Variants in ERBB4 observed in about 807,000 individuals in gnomAD.
The protein encoded by ERBB4 is receptor tyrosine-protein kinase erbB-4.
ERBB4 carries 42 observed loss-of-function variants against 158.0 expected under a neutral mutation model. That is an observed-to-expected ratio of 0.27 (90% confidence interval 0.21 to 0.34). The LOEUF (loss-of-function observed/expected upper bound fraction) is 0.34, where lower values mean the gene tolerates loss of function less well. ERBB4 is among the 10% of genes least tolerant of loss of function. ERBB4 has a pLI of 1.00. For missense variants in ERBB4, 1,333 were observed against 1,624.1 expected (o/e 0.82, Z 3.08); for synonymous variants, 583 against 558.7 (o/e 1.04, Z -0.61).
chr2:211,725,108 C>T lies in ERBB4; in HGVS notation c.709G>A (p.Gly237Ser). ...SDCCHRECAGGCSGPKDTDCF... is the reference protein window; with the variant it reads ...SDCCHRECAGSCSGPKDTDCF... Reference sequence around the variant, plus strand: ...TCTGTGTCCTTAGGTCCTGAGCAGCCTCCAGCACATTCTCGATGGCAGCAG... The same window carrying T: ...TCTGTGTCCTTAGGTCCTGAGCAGCTTCCAGCACATTCTCGATGGCAGCAG... Residue 237 changes from glycine to serine, a missense_variant, in exon 6 of 28, where the codon GGC becomes AGC. Gly to Ser is a moderately conservative substitution (Grantham distance 56, BLOSUM62 0). Transcript: ENST00000342788. 1 of 1,613,924 alleles carries T rather than the reference C, an allele frequency of 6.2e-7. No individual in the cohort carries two copies. Among genetic ancestry groups the T allele is most frequent in the South Asian group, 1.1e-5 (1 of 91,072 alleles).
At chr2:212,199,563 G>A (rs900614631) in intron 1 of ERBB4, among the ~76,000 whole-genome samples, 1 of 152,250 alleles carries the variant, frequency 6.6e-6, no homozygotes, top group Non-Finnish European at 1.5e-5. Flanking sequence ...TCTTTCTTAA[G>A]CTAATTGTCA....
chr2:212,455,949 A>C (rs1388760365), intron 1 of ERBB4, among the ~76,000 whole-genome samples: 3 of 152,082 alleles, frequency 2.0e-5, no homozygotes, highest in African/African-American at 7.2e-5. Context: ...CCCTGACCTC[A>C]ACACCTTTAA....
intron 2 of ERBB4, among the ~76,000 whole-genome samples, chr2:212,020,716 C>T (rs1483381655): frequency 6.6e-6 from 1 of 152,088 alleles, no homozygotes; most frequent in African/African-American, 2.4e-5. Flanking sequence ...CAATTCTCAG[C>T]CTACTGCCTG....
intron 12 of ERBB4, among the ~76,000 whole-genome samples, chr2:211,687,506 G>GTTTGT (rs1489482579): frequency 1.3e-5 from 2 of 151,836 alleles, no homozygotes; most frequent in Non-Finnish European, 2.9e-5. Context: ...TTGTTTGTTT[G>GTTTGT]TTATTTTTAG....
intron 1 of ERBB4, among the ~76,000 whole-genome samples, chr2:212,391,008 T>C (rs1175266337): frequency 6.6e-6 from 1 of 151,950 alleles, no homozygotes; most frequent in South Asian, 2.1e-4. Flanking sequence ...TCCTAAAATA[T>C]GTGAAAGTGA....
chr2:211,655,840 G>A (rs2071194021), intron 16 of ERBB4, among the ~76,000 whole-genome samples: 1 of 152,068 alleles, frequency 6.6e-6, no homozygotes, highest in Non-Finnish European at 1.5e-5. Flanking sequence ...AGTCTTGATT[G>A]TGCCCAAGTG....
chr2:212,520,740 G>A (rs1692112551), intron 1 of ERBB4, among the ~76,000 whole-genome samples: 1 of 151,966 alleles, frequency 6.6e-6, no homozygotes, highest in African/African-American at 2.4e-5. Context: ...CCCACGGACT[G>A]TAGGGAGTTT....
chr2:211,679,206 G>T (rs1481883778), intron 12 of ERBB4, 22 bp from the exon 13 acceptor site: 1 of 1,612,378 alleles, frequency 6.2e-7, no homozygotes, highest in South Asian at 1.1e-5. Context: ...CAAAATCAAG[G>T]GGAAATAAAA....
chr2:212,277,442 A>T (rs1183179258), intron 1 of ERBB4, among the ~76,000 whole-genome samples: 1 of 151,740 alleles, frequency 6.6e-6, no homozygotes, highest in Non-Finnish European at 1.5e-5. Context: ...AGCACAACAT[A>T]TTCACCGTGA....
chr2:212,123,066 T>C (rs1282113958), intron 2 of ERBB4, among the ~76,000 whole-genome samples: 2 of 152,222 alleles, frequency 1.3e-5, no homozygotes, highest in Non-Finnish European at 2.9e-5. Flanking sequence ...CTAGGATAGC[T>C]TGCATGTGCT....
At chr2:211,742,142 T>C (rs1202509624) in intron 5 of ERBB4, among the ~76,000 whole-genome samples, 1 of 152,184 alleles carries the variant, frequency 6.6e-6, no homozygotes, top group Non-Finnish European at 1.5e-5. Context: ...GTTATCCTGA[T>C]TGATGGGGCC....
chr2:211,927,546 A>T (rs2080049049), intron 3 of ERBB4, among the ~76,000 whole-genome samples: 1 of 152,138 alleles, frequency 6.6e-6, no homozygotes, highest in Admixed American at 6.6e-5. Flanking sequence ...TATGTAAATA[A>T]TGAGATTCTA....
chr2:211,918,297 G>A (rs1575375655), intron 3 of ERBB4, among the ~76,000 whole-genome samples: 1 of 152,126 alleles, frequency 6.6e-6, no homozygotes, highest in African/African-American at 2.4e-5. Context: ...AAATGGGCAA[G>A]GAACTATAAA....
chr2:212,506,723 G>A (rs1172518670), intron 1 of ERBB4, among the ~76,000 whole-genome samples: 1 of 152,186 alleles, frequency 6.6e-6, no homozygotes, highest in Admixed American at 6.5e-5. Flanking sequence ...GAAGCTAGCC[G>A]AGATTGGTTC....
intron 20 of ERBB4, among the ~76,000 whole-genome samples, chr2:211,526,894 AGAG>A (rs1393958297): frequency 6.6e-6 from 1 of 152,136 alleles, no homozygotes; most frequent in Non-Finnish European, 1.5e-5. Context: ...AAATATGGTC[AGAG>A]GAGACAAAAG....
chr2:212,020,776 C>G (rs970071028), intron 2 of ERBB4, among the ~76,000 whole-genome samples: 1 of 152,112 alleles, frequency 6.6e-6, no homozygotes, highest in African/African-American at 2.4e-5. Flanking sequence ...TAATTCAGAT[C>G]ATTCAACATG....
chr2:211,668,114 T>G (rs889954961), intron 14 of ERBB4, among the ~76,000 whole-genome samples: 5 of 152,196 alleles, frequency 3.3e-5, no homozygotes, highest in African/African-American at 1.2e-4. Flanking sequence ...TAGGCAGTAG[T>G]AATACAATAA....
chr2:212,458,368 T>C (rs1237012557), intron 1 of ERBB4, among the ~76,000 whole-genome samples: 1 of 151,970 alleles, frequency 6.6e-6, no homozygotes, highest in East Asian at 1.9e-4. Flanking sequence ...AAGGGACATA[T>C]GGTGAGGAAA....
intron 20 of ERBB4, among the ~76,000 whole-genome samples, chr2:211,534,845 C>T (rs1559269722): frequency 6.6e-6 from 1 of 152,036 alleles, no homozygotes; most frequent in Non-Finnish European, 1.5e-5. Context: ...TGACACCTGA[C>T]TGCCAAATGA....
Sources: gnomAD v4.1 joint callset for allele counts (sites outside exome capture counted in the v4.1 genomes callset) on GRCh38, gnomAD v4.1.1 for gene constraint, MANE v1.5 for transcripts, NCBI Gene and HGNC (gene_info 2026-07-23, HGNC 2026-07-21) for gene names.